The following DNAAF5 variants were observed in gnomAD, a reference collection of about 807,000 sequenced individuals.
DNAAF5 encodes the protein dynein axonemal assembly factor 5.
In DNAAF5, 64 loss-of-function variants were observed where a neutral mutation model predicts 75.8. The observed-to-expected ratio is 0.84, with a 90% CI of 0.69 to 1.04. The LOEUF is 1.04. DNAAF5 is among the 50% of genes least tolerant of loss of function. The probability of loss-of-function intolerance (pLI) is 0.00; values close to 1 mark genes in which losing one functional copy is unlikely to be tolerated. For missense variants in DNAAF5, 1,269 were observed against 1,178.5 expected (o/e 1.08, Z -1.12); for synonymous variants, 657 against 557.2 (o/e 1.18, Z -2.52).
At chr7:739,560 C>G (rs1378160688) in intron 2 of DNAAF5, among the ~76,000 whole-genome samples, 2 of 152,252 alleles carry the variant, frequency 1.3e-5, no homozygotes, top group Non-Finnish European at 2.9e-5. Context: ...CCACACATTC[C>G]TGTGTCCCCT....
intron 11 of DNAAF5, among the ~76,000 whole-genome samples, chr7:776,125 G>A (rs1778753655): frequency 6.6e-6 from 1 of 152,086 alleles, no homozygotes; most frequent in Non-Finnish European, 1.5e-5. Flanking sequence ...GGATCACAAA[G>A]TCAAGAGATA....
At chr7:760,484 G>A (rs1438289794) in intron 6 of DNAAF5, among the ~76,000 whole-genome samples, 2 of 152,142 alleles carry the variant, frequency 1.3e-5, no homozygotes, top group Admixed American at 6.5e-5. Flanking sequence ...TTAGAGGGAC[G>A]TTATAAGAAG....
At chr7:734,997 G>A (rs571375866) in intron 2 of DNAAF5, among the ~76,000 whole-genome samples, 4 of 151,626 alleles carry the variant, frequency 2.6e-5, no homozygotes, top group African/African-American at 4.9e-5. Context: ...CGCTGCTCAC[G>A]ATGTCATTGC....
intron 2 of DNAAF5, among the ~76,000 whole-genome samples, chr7:739,550 C>T (rs1781839969): frequency 6.6e-6 from 1 of 152,242 alleles, no homozygotes; most frequent in Non-Finnish European, 1.5e-5. Flanking sequence ...GGCAAACGCG[C>T]CACACATTCC....
At chr7:734,970 A>G (rs1284322426) in intron 2 of DNAAF5, among the ~76,000 whole-genome samples, 11 of 136,798 alleles carry the variant, frequency 8.0e-5, no homozygotes, top group East Asian at 6.8e-4. Flanking sequence ...TCTTCATGGT[A>G]TAGCTGCTCA....
chr7:782,453 G>T (rs1375385043), intron 12 of DNAAF5, among the ~76,000 whole-genome samples: 1 of 134,038 alleles, frequency 7.5e-6, no homozygotes, highest in Non-Finnish European at 1.6e-5. Flanking sequence ...TGGTGTGGCC[G>T]CCTCCCGTCA....
At position 785,730 on chromosome 7, in the gene DNAAF5, GGCACCTCTGT is replaced by G. The variant is rs1465758415; in HGVS notation, c.*80_*89del. 1 of 1,536,522 alleles carries G rather than the reference GGCACCTCTGT, an allele frequency of 6.5e-7. No individual in the cohort carries two copies. Among genetic ancestry groups the G allele is most frequent in the Non-Finnish European group, 8.8e-7 (1 of 1,133,282 alleles). On this transcript the variant is annotated 3_prime_UTR_variant, in exon 13 of 13. Coordinates refer to ENST00000297440, the MANE Select transcript of DNAAF5 (RefSeq NM_017802.4). Reference sequence around the variant, plus strand: ...TGTGGCCTTTAAATCTCATAAACAAGGCACCTCTGTGCCAGCAGTGAGACTGTGACAGCAA... The same window carrying G: ...TGTGGCCTTTAAATCTCATAAACAAGGCCAGCAGTGAGACTGTGACAGCAA...
At chr7:731,628 C>A (rs1360873577) in intron 2 of DNAAF5, among the ~76,000 whole-genome samples, 11 of 152,208 alleles carry the variant, frequency 7.2e-5, no homozygotes, top group African/African-American at 2.4e-4. Flanking sequence ...GCTTTGAATG[C>A]TGCCCAACAC....
rs368403433 is a variant in DNAAF5 at position 775,941 on chromosome 7, GA to G, written c.2239+780del. Among the ~76,000 whole-genome samples, 19 of 152,316 alleles carry G rather than the reference GA, an allele frequency of 1.2e-4. No homozygotes were observed. The East Asian group carries it at 3.7e-3, about 29-fold the overall frequency. On this transcript the variant is annotated intron_variant, in intron 11 of 12. Coordinates refer to ENST00000297440, the MANE Select transcript of DNAAF5 (RefSeq NM_017802.4). The stretch of plus-strand genomic sequence containing the variant: ...TTTTTTATCAGAGACTTGAGCATTT[GA>G]GGATTTTGGTATCCTAGAGGAGGAG...
At chr7:774,757 GCCA>G (rs1778701664) in intron 10 of DNAAF5, among the ~76,000 whole-genome samples, 1 of 152,226 alleles carries the variant, frequency 6.6e-6, no homozygotes, top group Non-Finnish European at 1.5e-5. Context: ...GCCCAGGCGA[GCCA>G]TTACCCTGGT....
At chr7:743,408 G>A (rs1781983200) in intron 4 of DNAAF5, among the ~76,000 whole-genome samples, 1 of 152,022 alleles carries the variant, frequency 6.6e-6, no homozygotes, top group Non-Finnish European at 1.5e-5. Context: ...AGTTTCTCAT[G>A]TCTGGTATTG....
intron 4 of DNAAF5, among the ~76,000 whole-genome samples, chr7:751,570 A>ATT (rs11439744): frequency 9.8e-5 from 9 of 92,278 alleles, no homozygotes; most frequent in African/African-American, 1.3e-4. Context: ...GTTGTTCTGA[A>ATT]TTTTTTTTTT....
rs1294714770 is a variant in DNAAF5 at position 729,796 on chromosome 7, G to A, written c.729G>A (p.Val243=). The A allele has an allele frequency of 1.2e-6, 2 of 1,614,210 alleles. No homozygotes were observed. Among genetic ancestry groups the A allele is most frequent in the Non-Finnish European group, 1.7e-6 (2 of 1,180,036 alleles). ...TCCATTTTGGCAACGGGAAGTCCGT[G>A]GACGACGTGCTTTCCCATTTTGCTC... ...AVIHFGNGKS[V]DDVLSHFAQR... is the part of the protein sequence containing the mutation. Residue 243 remains valine (V), a synonymous_variant, in exon 2 of 13, where the codon GTG becomes GTA. Coordinates refer to ENST00000297440, the MANE Select transcript of DNAAF5 (RefSeq NM_017802.4).
At chr7:753,933 CAT>C (rs1461208717) in intron 4 of DNAAF5, among the ~76,000 whole-genome samples, 1 of 144,848 alleles carries the variant, frequency 6.9e-6, no homozygotes, top group Non-Finnish European at 1.5e-5. Flanking sequence ...TCTCTCTGAT[CAT>C]ATGGGGACGG....
intron 4 of DNAAF5, among the ~76,000 whole-genome samples, chr7:742,776 C>T (rs533692139): frequency 6.7e-6 from 1 of 148,698 alleles, no homozygotes; most frequent in Non-Finnish European, 1.5e-5. Context: ...GCTCAAATCA[C>T]ATGCCCAGCT....
intron 11 of DNAAF5, among the ~76,000 whole-genome samples, chr7:779,518 G>A (rs1778867860): frequency 6.6e-6 from 1 of 152,196 alleles, no homozygotes; most frequent in Admixed American, 6.5e-5. Flanking sequence ...CCACAGTAGG[G>A]GGTTGTCTGT....
Position 730,365 on chromosome 7 carries a change from G to A in DNAAF5, c.780+518G>A, listed in dbSNP as rs574527218. ...CCTGGAGGGCATGTCTTGGATCTGA[G>A]GCCCCAGTGACTTGCTAAAATGCTA... On this transcript the variant is annotated intron_variant, in intron 2 of 12. Coordinates refer to ENST00000297440, the MANE Select transcript of DNAAF5 (RefSeq NM_017802.4). Among the ~76,000 whole-genome samples, 71 of 152,252 alleles carry A rather than the reference G, an allele frequency of 4.7e-4. No homozygotes were observed. In the South Asian group the frequency reaches 8.3e-3, roughly 18 times the overall value.
chr7:785,990 TC>T lies in DNAAF5; in HGVS notation c.*339del, dbSNP rs1244677026. ...GCTGGTTCATGAACTATTGGCTGCA[TC>T]CTGCTTAGGTGCCCACCAAGAAGGT... On this transcript the variant is annotated 3_prime_UTR_variant, in exon 13 of 13. Transcript: ENST00000297440. 3 of 231,064 alleles carry T rather than the reference TC, an allele frequency of 1.3e-5. No individual in the cohort carries two copies. The highest frequency in any genetic ancestry group is 8.4e-6 in the Non-Finnish European group (1 of 119,664). 14.3% of individuals were successfully genotyped at this position (231,064 alleles called of 1,614,324 possible).
intron 4 of DNAAF5, among the ~76,000 whole-genome samples, chr7:742,716 CAG>C (rs1251094071): frequency 6.7e-6 from 1 of 149,756 alleles, no homozygotes; most frequent in African/African-American, 2.5e-5. Flanking sequence ...CAGCTCAAAT[CAG>C]ATGCCCAGCT....
Sources: allele counts gnomAD v4.1 joint callset (sites outside exome capture counted in the v4.1 genomes callset), GRCh38; gene constraint gnomAD v4.1.1; transcripts MANE v1.5; gene names NCBI Gene and HGNC (gene_info 2026-07-23, HGNC 2026-07-21).